Variants in MACROD2 observed in about 807,000 individuals in gnomAD.
The protein encoded by MACROD2 is ADP-ribose glycohydrolase MACROD2.
MACROD2 carries 36 observed loss-of-function variants against 70.4 expected under a neutral mutation model. The observed-to-expected ratio is 0.51, with a 90% CI of 0.39 to 0.68. The LOEUF is 0.68. MACROD2 is among the 30% of genes least tolerant of loss of function. The probability of loss-of-function intolerance (pLI) is 0.00; values close to 1 mark genes in which losing one functional copy is unlikely to be tolerated. For synonymous variants in MACROD2, 172 were observed against 178.8 expected (o/e 0.96, Z 0.30); for missense variants, 496 against 538.4 (o/e 0.92, Z 0.78).
chr20:15,331,895 T>C (rs553133829), intron 6 of MACROD2, among the ~76,000 whole-genome samples: 13 of 151,654 alleles, frequency 8.6e-5, no homozygotes, highest in Non-Finnish European at 1.6e-4. Context: ...CTTCACTCTA[T>C]ACATAATTTT....
In MACROD2 at chr20:15,030,805, C is replaced by T. The variant is rs1291716234; in HGVS notation, c.419-199135C>T. The stretch of plus-strand genomic sequence containing the variant: ...GCAAAACTGGAGCTGGCTGTGAGTC[C>T]CCCATCCTGAGTCCTGCAGTTCATG... On this transcript the variant is annotated intron_variant, in intron 5 of 17. Coordinates refer to ENST00000684519, the MANE Select transcript of MACROD2 (RefSeq NM_001351661.2). Among the ~76,000 whole-genome samples the T allele has an allele frequency of 3.3e-5, 5 of 152,258 alleles. No individual in the cohort carries two copies. In the East Asian group the frequency reaches 9.7e-4, roughly 29 times the overall value.
chr20:14,857,144 C>A (rs538347618), intron 5 of MACROD2, among the ~76,000 whole-genome samples: 2 of 152,124 alleles, frequency 1.3e-5, no homozygotes, highest in African/African-American at 2.4e-5. Flanking sequence ...TCCCATAAAC[C>A]GTTATCCCTA....
rs375072122 is a variant in MACROD2 at position 14,844,041 on chromosome 20, A to G, written c.418+159082A>G. ...TTGCCTCTTATGCTTCTTCTCTCAC[A>G]TAGATATCTCAGTGCATATCTGAGA... On this transcript the variant is annotated intron_variant, in intron 5 of 17. Transcript: ENST00000684519. 3.9e-5 allele frequency among the ~76,000 whole-genome samples: 6 copies of G among 151,984 alleles called. No homozygotes were observed. In the East Asian group the frequency reaches 5.8e-4, roughly 15 times the overall value.
intron 8 of MACROD2, among the ~76,000 whole-genome samples, chr20:15,732,870 T>C (rs1377953802): frequency 6.6e-6 from 1 of 152,180 alleles, no homozygotes; most frequent in East Asian, 1.9e-4. Context: ...ACAACTGGTA[T>C]AATTTCTTCC....
At chr20:14,803,535 C>T (rs2072602816) in intron 5 of MACROD2, among the ~76,000 whole-genome samples, 1 of 152,016 alleles carries the variant, frequency 6.6e-6, no homozygotes, top group Non-Finnish European at 1.5e-5. Flanking sequence ...GGCTGGAGTT[C>T]AATGGTGCAA....
At chr20:15,736,323 G>A (rs1049720416) in intron 8 of MACROD2, among the ~76,000 whole-genome samples, 1 of 152,184 alleles carries the variant, frequency 6.6e-6, no homozygotes, top group Non-Finnish European at 1.5e-5. Context: ...TTTAGGAATC[G>A]TTGGCTTGTG....
intron 3 of MACROD2, among the ~76,000 whole-genome samples, chr20:14,454,066 C>A (rs1261034566): frequency 6.6e-6 from 1 of 151,930 alleles, no homozygotes; most frequent in Non-Finnish European, 1.5e-5. Context: ...TTTTACTGAA[C>A]CTTGTTCCTC....
chr20:14,709,182 A>G (rs2071306910), intron 5 of MACROD2, among the ~76,000 whole-genome samples: 1 of 152,166 alleles, frequency 6.6e-6, no homozygotes, highest in Admixed American at 6.5e-5. Flanking sequence ...ATTTCTTTAT[A>G]CTTATACATT....
intron 5 of MACROD2, among the ~76,000 whole-genome samples, chr20:15,124,600 T>A (rs1243587438): frequency 6.6e-6 from 1 of 152,070 alleles, no homozygotes; most frequent in Non-Finnish European, 1.5e-5. Flanking sequence ...ACAGTTTTAC[T>A]TTATATGATG....
intron 5 of MACROD2, among the ~76,000 whole-genome samples, chr20:15,027,443 T>C (rs2075240579): frequency 1.3e-5 from 2 of 152,176 alleles, no homozygotes; most frequent in South Asian, 4.1e-4. Context: ...TGGAGCCAAA[T>C]GGCTGTTTGA....
intron 8 of MACROD2, among the ~76,000 whole-genome samples, chr20:15,766,406 C>T (rs901229330): frequency 1.3e-5 from 2 of 152,204 alleles, no homozygotes; most frequent in East Asian, 3.8e-4. Context: ...CATAAACAGT[C>T]AGATTACATT....
chr20:15,530,661 G>C (rs6043348), intron 8 of MACROD2, among the ~76,000 whole-genome samples: 2 of 147,372 alleles, frequency 1.4e-5, no homozygotes, highest in Non-Finnish European at 3.0e-5. Context: ...GAACCCGGGA[G>C]CCGAGATTGC....
At chr20:14,242,600 T>C (rs986673882) in intron 3 of MACROD2, among the ~76,000 whole-genome samples, 1 of 152,190 alleles carries the variant, frequency 6.6e-6, no homozygotes, top group African/African-American at 2.4e-5. Flanking sequence ...AGATAACATT[T>C]AGGTGTTAAT....
intron 4 of MACROD2, among the ~76,000 whole-genome samples, chr20:14,535,689 A>G (rs1201852927): frequency 3.3e-5 from 5 of 152,068 alleles, no homozygotes; most frequent in Non-Finnish European, 5.9e-5. Context: ...GCCTCCCAGT[A>G]TCTTCCGTTA....
intron 3 of MACROD2, among the ~76,000 whole-genome samples, chr20:14,093,338 A>T (rs2054178048): frequency 6.6e-6 from 1 of 151,912 alleles, no homozygotes; most frequent in African/African-American, 2.4e-5. Context: ...CCTACTACCT[A>T]GACCTCTCAA....
chr20:14,766,293 GTTAT>G (rs2072088548), intron 5 of MACROD2, among the ~76,000 whole-genome samples: 2 of 151,982 alleles, frequency 1.3e-5, no homozygotes. Context: ...GCACCCCTAA[GTTAT>G]TTATTTACTC....
chr20:14,125,404 A>G (rs905815412), intron 3 of MACROD2, among the ~76,000 whole-genome samples: 6 of 152,184 alleles, frequency 3.9e-5, no homozygotes, highest in Admixed American at 3.3e-4. Flanking sequence ...TTTCGGGACT[A>G]ATCTTGTATA....
chr20:14,557,951 C>A (rs1357764698), intron 4 of MACROD2, among the ~76,000 whole-genome samples: 3 of 151,424 alleles, frequency 2.0e-5, no homozygotes, highest in African/African-American at 7.3e-5. Flanking sequence ...TCATAATAGC[C>A]CCAAAATGGA....
intron 4 of MACROD2, among the ~76,000 whole-genome samples, chr20:14,676,562 A>C (rs984171307): frequency 4.6e-5 from 7 of 152,234 alleles, no homozygotes; most frequent in African/African-American, 1.7e-4. Flanking sequence ...GACACAGCTA[A>C]AGCAGTGTTT....
Sources: allele counts gnomAD v4.1 joint callset (sites outside exome capture counted in the v4.1 genomes callset), GRCh38; gene constraint gnomAD v4.1.1; transcripts MANE v1.5; gene names NCBI Gene and HGNC (gene_info 2026-07-23, HGNC 2026-07-21).